The following PCCA variants were observed in gnomAD, a reference collection of about 807,000 sequenced individuals.
The protein encoded by PCCA is propionyl-CoA carboxylase subunit alpha.
PCCA carries 74 observed loss-of-function variants against 101.3 expected under a neutral mutation model. The ratio of observed to expected loss-of-function variants is 0.73; its 90% confidence interval spans 0.61 to 0.89. PCCA has a LOEUF of 0.89. Among genes scored for constraint, PCCA ranks in the 40% least tolerant of loss-of-function variants. The pLI is 0.00. For synonymous variants in PCCA, 294 were observed against 313.6 expected (o/e 0.94, Z 0.66); for missense variants, 891 against 907.0 (o/e 0.98, Z 0.23).
At position 100,199,286 on chromosome 13, in the gene PCCA, AT is replaced by A. The variant is rs1045008527; in HGVS notation, c.469-10037del. On this transcript the variant is annotated intron_variant, in intron 6 of 23. Transcript: ENST00000376285. ...CATTCCTTTGGCTTTTATAGTAATCATTTTTTTTTGCGTTTAAAAATAATTT... is the reference window on the plus strand; with the variant it reads ...CATTCCTTTGGCTTTTATAGTAATCATTTTTTTTGCGTTTAAAAATAATTT... 1.7e-4 allele frequency among the ~76,000 whole-genome samples: 26 copies of A among 150,392 alleles called. No individual in the cohort carries two copies. In the East Asian group the frequency reaches 4.3e-3, roughly 25 times the overall value.
rs201519279 is a variant in PCCA at position 100,367,814 on chromosome 13, C to T, written c.1644-658C>T. On this transcript the variant is annotated intron_variant, in intron 18 of 23. Transcript: ENST00000376285. ...TCTACTAAAAATACTAAAAATTAGCCGCGTGTGGTGGTGGGCGCCTGTAAT... is the reference window on the plus strand; with the variant it reads ...TCTACTAAAAATACTAAAAATTAGCTGCGTGTGGTGGTGGGCGCCTGTAAT... Among the ~76,000 whole-genome samples, 12 of 151,064 alleles carry T rather than the reference C, an allele frequency of 7.9e-5. No individual in the cohort carries two copies. The East Asian group carries it at 1.8e-3, about 22-fold the overall frequency.
chr13:100,306,108 G>A (rs2066424567), intron 14 of PCCA, among the ~76,000 whole-genome samples: 2 of 152,140 alleles, frequency 1.3e-5, no homozygotes, highest in African/African-American at 2.4e-5. Flanking sequence ...TTCTACATGT[G>A]GTCCCTTGAT....
intron 12 of PCCA, among the ~76,000 whole-genome samples, chr13:100,282,074 T>C (rs1223180710): frequency 6.6e-6 from 1 of 152,260 alleles, no homozygotes; most frequent in Non-Finnish European, 1.5e-5. Context: ...TTTTTCTTTA[T>C]AGATTCATTT....
chr13:100,452,456 C>G (rs1057437683), intron 21 of PCCA, among the ~76,000 whole-genome samples: 10 of 152,176 alleles, frequency 6.6e-5, no homozygotes, highest in African/African-American at 2.4e-4. Context: ...CTGCTGGGCA[C>G]ATGCCTTAGG....
intron 4 of PCCA, among the ~76,000 whole-genome samples, chr13:100,142,458 G>A (rs1250514447): frequency 6.6e-6 from 1 of 151,054 alleles, no homozygotes; most frequent in Non-Finnish European, 1.5e-5. Flanking sequence ...AAATCTCTAT[G>A]AGATGAAATG....
At chr13:100,185,647 C>CTTTTTT (rs60267730) in intron 6 of PCCA, among the ~76,000 whole-genome samples, 1 of 133,948 alleles carries the variant, frequency 7.5e-6, no homozygotes, top group Non-Finnish European at 1.6e-5. Flanking sequence ...ATTTCTTTTT[C>CTTTTTT]TTTTTTTTTT....
In PCCA at chr13:100,094,592, ATTGT is replaced by A. The variant is rs1306751857; in HGVS notation, c.105+5378_105+5381del. ...ATCCATGTGGCATACTCTCTTTGGT[ATTGT>A]TTGTTTGTTTTTGAGATAGAGTCTC... On this transcript the variant is annotated intron_variant, in intron 1 of 23. Coordinates refer to ENST00000376285, the MANE Select transcript of PCCA (RefSeq NM_000282.4). Among the ~76,000 whole-genome samples, 3 of 151,886 alleles carry A rather than the reference ATTGT, an allele frequency of 2.0e-5. No homozygotes were observed. In the East Asian group the frequency reaches 5.8e-4, roughly 29 times the overall value.
At chr13:100,323,443 G>T (rs1304307594) in intron 16 of PCCA, among the ~76,000 whole-genome samples, 1 of 152,112 alleles carries the variant, frequency 6.6e-6, no homozygotes, top group Admixed American at 6.5e-5. Context: ...TCAGCCTCAA[G>T]AGTAGCTGGG....
intron 20 of PCCA, among the ~76,000 whole-genome samples, chr13:100,437,574 C>T (rs1309587953): frequency 1.3e-5 from 2 of 150,880 alleles, no homozygotes; most frequent in African/African-American, 2.4e-5. Context: ...TTTTCATTGC[C>T]GAAGTAGTCA....
In PCCA at chr13:100,512,336, T is replaced by G. The variant is rs140411519; in HGVS notation, c.1900-3091T>G. Among the ~76,000 whole-genome samples, 566 of 152,124 alleles carry G rather than the reference T, an allele frequency of 3.7e-3. 7 individuals carry two copies. The highest frequency in any genetic ancestry group is 0.013 in the African/African-American group (550 of 41,524). On this transcript the variant is annotated intron_variant, in intron 21 of 23. Transcript: ENST00000376285. ...AAATTAATTTGCTTAGAGACCCGGGTTCGGGTCACCTTTCCGTCATTCAGT... is the reference window on the plus strand; with the variant it reads ...AAATTAATTTGCTTAGAGACCCGGGGTCGGGTCACCTTTCCGTCATTCAGT...
chr13:100,396,276 C>A (rs540354304), intron 19 of PCCA, among the ~76,000 whole-genome samples: 1 of 152,180 alleles, frequency 6.6e-6, no homozygotes, highest in East Asian at 1.9e-4. Flanking sequence ...GCTGTGGAAT[C>A]CAGCAGAAGT....
At chr13:100,467,345 A>G (rs1024016085) in intron 21 of PCCA, among the ~76,000 whole-genome samples, 1 of 152,132 alleles carries the variant, frequency 6.6e-6, no homozygotes, top group Admixed American at 6.6e-5. Flanking sequence ...TTCCTGAGCC[A>G]GTTACTCTTG....
At chr13:100,188,294 A>AAAACAAAACAAAAC (rs368482531) in intron 6 of PCCA, among the ~76,000 whole-genome samples, 2 of 146,898 alleles carry the variant, frequency 1.4e-5, no homozygotes, top group African/African-American at 2.5e-5. Flanking sequence ...TCTGTCTCAA[A>AAAACAAAACAAAAC]AAAACAAAAC....
intron 12 of PCCA, among the ~76,000 whole-genome samples, chr13:100,278,562 C>A (rs2063833426): frequency 6.6e-6 from 1 of 151,666 alleles, no homozygotes; most frequent in South Asian, 2.1e-4. Context: ...GCCTGCAAAC[C>A]TCCGCCTCCC....
At chr13:100,155,592 C>G (rs2152383953) in intron 5 of PCCA, among the ~76,000 whole-genome samples, 1 of 152,236 alleles carries the variant, frequency 6.6e-6, no homozygotes, top group South Asian at 2.1e-4. Flanking sequence ...ATAAATCATT[C>G]TCTCCACCCC....
chr13:100,396,744 A>G (rs775007443), intron 19 of PCCA, among the ~76,000 whole-genome samples: 6 of 152,188 alleles, frequency 3.9e-5, no homozygotes, highest in Non-Finnish European at 7.4e-5. Context: ...CTTTGTTAGA[A>G]TTGTATTTAT....
rs958018359 is a variant in PCCA, at chr13:100,491,683, G to A, written c.1900-23744G>A. 8 of 1,304,096 alleles carry A rather than the reference G, an allele frequency of 6.1e-6. No homozygotes were observed. In the African/African-American group the frequency reaches 1.2e-4, roughly 20 times the overall value. The allele number at this position is 1,304,096 out of a possible 1,614,324, so 80.8% of individuals were successfully genotyped here. A position where few individuals can be genotyped will look rare whatever the true frequency, so the allele number is the denominator to read the frequency against. On this transcript the variant is annotated intron_variant, in intron 21 of 23. Transcript: ENST00000376285. ...AAAGCTTCTGGATTGACTGTGAGAAGCTTGGCAGAAGGTGCTGCGGCCTGG... is the reference window on the plus strand; with the variant it reads ...AAAGCTTCTGGATTGACTGTGAGAAACTTGGCAGAAGGTGCTGCGGCCTGG...
At chr13:100,499,947 C>T (rs1198538519) in intron 21 of PCCA, among the ~76,000 whole-genome samples, 2 of 151,936 alleles carry the variant, frequency 1.3e-5, no homozygotes, top group African/African-American at 4.8e-5. Context: ...ATGCTTCTGT[C>T]GTTTGGGGAA....
chr13:100,511,820 A>C (rs181812763), intron 21 of PCCA, among the ~76,000 whole-genome samples: 58 of 152,272 alleles, frequency 3.8e-4, no homozygotes, highest in African/African-American at 1.3e-3. Flanking sequence ...GCAGAATTAC[A>C]TTACTGCTAC....
Sources: gnomAD v4.1 joint callset for allele counts (sites outside exome capture counted in the v4.1 genomes callset) on GRCh38, gnomAD v4.1.1 for gene constraint, MANE v1.5 for transcripts, NCBI Gene and HGNC (gene_info 2026-07-23, HGNC 2026-07-21) for gene names.